The following CD28 variants were observed in gnomAD, a reference collection of about 807,000 sequenced individuals.
The protein encoded by CD28 is CD28 molecule, also known as T-cell-specific surface glycoprotein CD28.
Under a neutral mutation model 21.4 loss-of-function variants are expected in CD28, and 8 were observed. The observed-to-expected ratio is 0.37, with a 90% CI of 0.22 to 0.68. CD28 has a LOEUF of 0.68. Ranked by LOEUF, CD28 falls within the 30% of genes least tolerant of loss-of-function variation. The probability of loss-of-function intolerance (pLI) is 0.55; values close to 1 mark genes in which losing one functional copy is unlikely to be tolerated. For missense variants in CD28, 239 were observed against 272.2 expected (o/e 0.88, Z 0.86); for synonymous variants, 106 against 104.0 (o/e 1.02, Z -0.12).
chr2:203,737,589 A>G lies in CD28; in HGVS notation c.*2677A>G, dbSNP rs916706137. ...TTATACAGGGAAGTCCGTTTTCACT[A>G]TTAGTATGAACCAAGAAATGGTTCA... On this transcript the variant is annotated 3_prime_UTR_variant, in exon 4 of 4. Coordinates refer to ENST00000324106, the MANE Select transcript of CD28 (RefSeq NM_006139.4). 2 of 152,666 alleles carry G rather than the reference A, an allele frequency of 1.3e-5. No individual in the cohort carries two copies. Among genetic ancestry groups the G allele is most frequent in the African/African-American group, 2.4e-5 (1 of 41,460 alleles). The allele number at this position is 152,666 out of a possible 1,614,324, so 9.5% of individuals were successfully genotyped here. A position where few individuals can be genotyped will look rare whatever the true frequency, so the allele number is the denominator to read the frequency against.
At position 203,738,446 on chromosome 2, in the gene CD28, G is replaced by A. The variant is rs1694101359; in HGVS notation, c.*3534G>A. On this transcript the variant is annotated 3_prime_UTR_variant, in exon 4 of 4. Coordinates refer to ENST00000324106, the MANE Select transcript of CD28 (RefSeq NM_006139.4). ...TTATTAATAATCCAGGTCAAAGAGA[G>A]TGACACACACTCTCTCAAGACCTGG... The A allele has an allele frequency of 1.3e-5, 2 of 152,172 alleles. No homozygotes were observed. The highest frequency in any genetic ancestry group is 4.8e-5 in the African/African-American group (2 of 41,430). 9.4% of individuals were successfully genotyped at this position (152,172 alleles called of 1,614,324 possible).
At chr2:203,721,640 C>A (rs1260401284) in intron 1 of CD28, among the ~76,000 whole-genome samples, 1 of 152,134 alleles carries the variant, frequency 6.6e-6, no homozygotes, top group Non-Finnish European at 1.5e-5. Context: ...TCCATGTATG[C>A]ATACTCCTTC....
intron 1 of CD28, among the ~76,000 whole-genome samples, chr2:203,722,129 T>C (rs934689733): frequency 6.6e-6 from 1 of 152,182 alleles, no homozygotes; most frequent in Non-Finnish European, 1.5e-5. Context: ...TGAATGTGCA[T>C]TAAAACAGAA....
chr2:203,728,966 A>T (rs576049430), intron 2 of CD28, among the ~76,000 whole-genome samples: 1 of 152,316 alleles, frequency 6.6e-6, no homozygotes, highest in East Asian at 1.9e-4. Flanking sequence ...GGGTTGAGGA[A>T]GGGGTGCTGG....
chr2:203,714,945 A>G (rs896038094), intron 1 of CD28, among the ~76,000 whole-genome samples: 16 of 152,180 alleles, frequency 1.1e-4, no homozygotes, highest in Non-Finnish European at 1.8e-4. Context: ...CACAGTAATT[A>G]TTTAAACTTC....
chr2:203,711,232 T>G (rs774959080), intron 1 of CD28, among the ~76,000 whole-genome samples: 4 of 152,000 alleles, frequency 2.6e-5, no homozygotes, highest in Non-Finnish European at 5.9e-5. Flanking sequence ...CACAGAAAGG[T>G]GGTTGCATGC....
chr2:203,734,513 AGT>A (rs927369156), intron 3 of CD28, among the ~76,000 whole-genome samples: 1 of 152,238 alleles, frequency 6.6e-6, no homozygotes, highest in African/African-American at 2.4e-5. Context: ...TATGTTAATT[AGT>A]GTGCATTTTT....
At position 203,735,259 on chromosome 2, in the gene CD28, C is replaced by T. The variant is rs1001242871; in HGVS notation, c.*347C>T. The T allele has an allele frequency of 3.3e-5, 8 of 242,438 alleles. No homozygotes were observed. In the Admixed American group the frequency reaches 3.6e-4, roughly 11 times the overall value. The allele number at this position is 242,438 out of a possible 1,614,324, so 15.0% of individuals were successfully genotyped here. On this transcript the variant is annotated 3_prime_UTR_variant, in exon 4 of 4. Transcript: ENST00000324106. Reference sequence around the variant, plus strand: ...CACTCACCTGCACATCTCAGTCAAGCAAAGTGTGGTATCCACAGACATTTT... The same window carrying T: ...CACTCACCTGCACATCTCAGTCAAGTAAAGTGTGGTATCCACAGACATTTT...
rs1693167431 is a variant in CD28 at position 203,706,764 on chromosome 2, GTCT to G, written c.52+18_52+20del. ...CAAGTAACAGGTAAACAATGTTAATGTCTTTCTTTCTGTAAATATTTTTTGAGG... is the reference window on the plus strand; with the variant it reads ...CAAGTAACAGGTAAACAATGTTAATGTTCTTTCTGTAAATATTTTTTGAGG... On this transcript the variant is annotated intron_variant, in intron 1 of 3. Transcript: ENST00000324106. The G allele has an allele frequency of 6.4e-7, 1 of 1,567,612 alleles. No individual in the cohort carries two copies. Among genetic ancestry groups the G allele is most frequent in the African/African-American group, 1.4e-5 (1 of 73,988 alleles).
intron 1 of CD28, among the ~76,000 whole-genome samples, chr2:203,710,062 A>T (rs575655590): frequency 1.3e-5 from 2 of 152,330 alleles, no homozygotes; most frequent in African/African-American, 4.8e-5. Flanking sequence ...TGTATACGGA[A>T]AGAAGTAATT....
chr2:203,711,483 G>A (rs1161069068), intron 1 of CD28, among the ~76,000 whole-genome samples: 1 of 152,202 alleles, frequency 6.6e-6, no homozygotes, highest in Non-Finnish European at 1.5e-5. Flanking sequence ...TGGTGGAGAA[G>A]TTCTTACTTA....
At position 203,729,631 on chromosome 2, in the gene CD28, T is replaced by A; in HGVS notation, c.410-17T>A. On this transcript the variant is annotated splice_polypyrimidine_tract_variant and intron_variant, in intron 2 of 3. Transcript: ENST00000324106. ...GCTATTCCTGTATCATTTAATCCAC[T>A]CTATTTTGTTTTTCAGGGAAACACC... 1 of 1,611,276 alleles carries A rather than the reference T, an allele frequency of 6.2e-7. No homozygotes were observed. The highest frequency in any genetic ancestry group is 1.3e-5 in the African/African-American group (1 of 74,896).
At chr2:203,716,025 C>A (rs1474789290) in intron 1 of CD28, among the ~76,000 whole-genome samples, 3 of 152,192 alleles carry the variant, frequency 2.0e-5, no homozygotes, top group Non-Finnish European at 4.4e-5. Flanking sequence ...GCTGTGCTAA[C>A]CTTCCCAAAG....
chr2:203,734,941 C>T lies in CD28; in HGVS notation c.*29C>T. 1 of 1,609,556 alleles carries T rather than the reference C, an allele frequency of 6.2e-7. No homozygotes were observed. The highest frequency in any genetic ancestry group is 8.5e-7 in the Non-Finnish European group (1 of 1,177,466). On this transcript the variant is annotated 3_prime_UTR_variant, in exon 4 of 4. Transcript: ENST00000324106. Reference sequence around the variant, plus strand: ...GGACGCCTATCCAGAAGCCAGCCGGCTGGCAGCCCCCATCTGCTCAATATC... The same window carrying T: ...GGACGCCTATCCAGAAGCCAGCCGGTTGGCAGCCCCCATCTGCTCAATATC...
chr2:203,734,878 C>T lies in CD28; in HGVS notation c.629C>T (p.Ala210Val), dbSNP rs201773411. 1 of 1,614,246 alleles carries T rather than the reference C, an allele frequency of 6.2e-7. No individual in the cohort carries two copies. Among genetic ancestry groups the T allele is most frequent in the South Asian group, 1.1e-5 (1 of 91,088 alleles). Residue 210 changes from alanine to valine, a missense_variant, in exon 4 of 4, where the codon GCC (alanine) becomes GTC (valine). Transcript: ENST00000324106. ...GPTRKHYQPY[A>V]PPRDFAAYRS ...ACCCGCAAGCATTACCAGCCCTATG[C>T]CCCACCACGCGACTTCGCAGCCTAT...
intron 1 of CD28, among the ~76,000 whole-genome samples, chr2:203,725,277 C>T (rs1004118289): frequency 1.8e-4 from 25 of 142,008 alleles, no homozygotes; most frequent in African/African-American, 5.0e-4. Context: ...GCAACAAGAG[C>T]GAAACTCCGT....
At chr2:203,710,146 C>G (rs1693271057) in intron 1 of CD28, among the ~76,000 whole-genome samples, 1 of 152,184 alleles carries the variant, frequency 6.6e-6, no homozygotes, top group Admixed American at 6.5e-5. Flanking sequence ...GTCAAAAAAT[C>G]AACAGATTGC....
chr2:203,728,375 A>G (rs184810130), intron 2 of CD28, among the ~76,000 whole-genome samples: 2 of 152,358 alleles, frequency 1.3e-5, no homozygotes, highest in East Asian at 3.9e-4. Flanking sequence ...AGCAACAAGT[A>G]AAGTTTGATT....
At position 203,723,505 on chromosome 2, in the gene CD28, T is replaced by TA. The variant is rs1298713909; in HGVS notation, c.53-3122dup. 4.0e-5 allele frequency among the ~76,000 whole-genome samples: 6 copies of TA among 150,220 alleles called. No individual in the cohort carries two copies. The East Asian group carries it at 9.8e-4, about 24-fold the overall frequency. On this transcript the variant is annotated intron_variant, in intron 1 of 3. Coordinates refer to ENST00000324106, the MANE Select transcript of CD28 (RefSeq NM_006139.4). ...CTGTAAAAATAAAAAAAAAAAAGTA[T>TA]AAAAAATGCATACAGAACTCCAATA... is the stretch of plus-strand genomic sequence containing the variant.
Sources: gnomAD v4.1 joint callset for allele counts (sites outside exome capture counted in the v4.1 genomes callset) on GRCh38, gnomAD v4.1.1 for gene constraint, MANE v1.5 for transcripts, NCBI Gene and HGNC (gene_info 2026-07-23, HGNC 2026-07-21) for gene names.